The following NEK5 variants were observed in gnomAD, a reference collection of about 807,000 sequenced individuals.
NEK5 encodes the protein NIMA related kinase 5.
In NEK5, 88 loss-of-function variants were observed where a neutral mutation model predicts 109.2. That is an observed-to-expected ratio of 0.81 (90% confidence interval 0.68 to 0.96). NEK5 has a LOEUF of 0.96. NEK5 is among the 40% of genes least tolerant of loss of function. The pLI, the probability that NEK5 is intolerant of heterozygous loss-of-function variation, is 0.00. For synonymous variants in NEK5, 283 were observed against 299.9 expected, an observed-to-expected ratio of 0.94 and a Z score of 0.58; for missense variants, 834 against 920.7, an observed-to-expected ratio of 0.91 and a Z score of 1.22.
chr13:52,080,917 G>A (rs548336774), intron 17 of NEK5, among the ~76,000 whole-genome samples: 12 of 148,144 alleles, frequency 8.1e-5, no homozygotes, highest in Admixed American at 6.8e-4. Context: ...TGGTTAGGGT[G>A]GTAAAGGCGA....
intron 17 of NEK5, among the ~76,000 whole-genome samples, chr13:52,077,501 C>G (rs1210408278): frequency 2.0e-5 from 3 of 152,058 alleles, no homozygotes; most frequent in African/African-American, 4.8e-5. Flanking sequence ...GGGATGGAAA[C>G]CGAAGATGAG....
intron 16 of NEK5, among the ~76,000 whole-genome samples, chr13:52,083,640 C>T (rs1955059972): frequency 6.6e-6 from 1 of 151,898 alleles, no homozygotes; most frequent in South Asian, 2.1e-4. Flanking sequence ...GAGTTCATGC[C>T]ATTCTCCTGC....
Position 52,110,496 on chromosome 13 carries a change from G to T in NEK5, c.394C>A (p.Gln132Lys), listed in dbSNP as rs372582723. ...RKILHRDIKA[Q>K]NIFLSKNGMV... Reference sequence around the variant, plus strand: ...TAGTCTTCTCTCTGAGCTGTTACCTGAGCTTTTATGTCCCTGTGTAATATC... The same window carrying T: ...TAGTCTTCTCTCTGAGCTGTTACCTTAGCTTTTATGTCCCTGTGTAATATC... The change falls in exon 6 of 24, where the codon CAG becomes AAG. Residue 132 changes from glutamine to lysine, a missense_variant and splice_region_variant. By Grantham distance (53) the Gln-to-Lys change is moderately conservative. Coordinates refer to ENST00000684899, the MANE Select transcript of NEK5 (RefSeq NM_001365552.1). The T allele has an allele frequency of 4.3e-6, 7 of 1,610,610 alleles. No individual in the cohort carries two copies. In the African/African-American group the frequency reaches 8.0e-5, roughly 18 times the overall value.
chr13:52,043,895 T>C (rs1954435428), intron 23 of NEK5, among the ~76,000 whole-genome samples: 1 of 152,192 alleles, frequency 6.6e-6, no homozygotes, highest in East Asian at 1.9e-4. Flanking sequence ...ATTTACCAAC[T>C]GTGATGGTTT....
chr13:52,121,511 G>A (rs1354733525), intron 3 of NEK5, among the ~76,000 whole-genome samples: 6 of 152,190 alleles, frequency 3.9e-5, no homozygotes, highest in Admixed American at 3.3e-4. Context: ...AAAGGGTACA[G>A]AAGAGTTCTC....
chr13:52,120,676 C>T (rs1274336618), intron 3 of NEK5, among the ~76,000 whole-genome samples: 3 of 151,952 alleles, frequency 2.0e-5, no homozygotes, highest in Non-Finnish European at 2.9e-5. Context: ...TTTGGGAAGC[C>T]AAGGCAGGCA....
rs2138160487 is a variant in NEK5 at position 52,127,355 on chromosome 13, C to CTTT, written c.117+10_117+11insAAA. On this transcript the variant is annotated intron_variant, in intron 3 of 23. Coordinates refer to ENST00000684899, the MANE Select transcript of NEK5 (RefSeq NM_001365552.1). ...CACTGAAAATTAACAGAAATTTGAA[C>CTTT]TTAACTTTACCTTTTCAAAATTGAT... The CTTT allele has an allele frequency of 1.6e-6, 2 of 1,287,584 alleles. No homozygotes were observed. The highest frequency in any genetic ancestry group is 2.1e-6 in the Non-Finnish European group (2 of 945,288). The allele number at this position is 1,287,584 out of a possible 1,614,324, so 79.8% of individuals were successfully genotyped here.
At chr13:52,084,768 T>TGA (rs1955102763) in intron 16 of NEK5, among the ~76,000 whole-genome samples, 1 of 49,956 alleles carries the variant, frequency 2.0e-5, no homozygotes, top group African/African-American at 5.6e-5. Context: ...AGAGAGTGTG[T>TGA]GTGTGTGTGT....
At chr13:52,124,390 G>T (rs1459659718) in intron 3 of NEK5, among the ~76,000 whole-genome samples, 1 of 152,092 alleles carries the variant, frequency 6.6e-6, no homozygotes, top group African/African-American at 2.4e-5. Context: ...TATATATGGA[G>T]AATATATATA....
At chr13:52,076,365 TCACTCCAGTC>T (rs1275656352) in intron 17 of NEK5, among the ~76,000 whole-genome samples, 2 of 152,186 alleles carry the variant, frequency 1.3e-5, no homozygotes, top group Non-Finnish European at 2.9e-5. Context: ...ACAATACTTA[TCACTCCAGTC>T]CACTCCAGTC....
chr13:52,117,286 A>G (rs970536388), intron 4 of NEK5, among the ~76,000 whole-genome samples: 2 of 152,118 alleles, frequency 1.3e-5, no homozygotes, highest in African/African-American at 2.4e-5. Context: ...AAGCGATTTG[A>G]GGGAAAACAA....
At chr13:52,041,510 C>T (rs1954413018) in intron 23 of NEK5, among the ~76,000 whole-genome samples, 1 of 151,666 alleles carries the variant, frequency 6.6e-6, no homozygotes, top group South Asian at 2.1e-4. Flanking sequence ...GGTGAATTGC[C>T]TGAGGTCAGG....
chr13:52,072,904 G>A (rs948072487), intron 19 of NEK5, among the ~76,000 whole-genome samples: 3 of 152,066 alleles, frequency 2.0e-5, no homozygotes, highest in Admixed American at 6.6e-5. Flanking sequence ...ATTTGTTATA[G>A]GTCTGATAAA....
At position 52,035,491 on chromosome 13, in the gene NEK5, C is replaced by G. The variant is rs919799472; in HGVS notation, c.*1457G>C. ...GTAACCACCCTCTCCTTCCTAAGCC[C>G]AGACATACTCCTTAGTATTTAAATA... On this transcript the variant is annotated 3_prime_UTR_variant, in exon 24 of 24. Transcript: ENST00000684899. 6.6e-6 allele frequency: 1 copy of G among 152,168 alleles called. No homozygotes were observed. Among genetic ancestry groups the G allele is most frequent in the South Asian group, 2.1e-4 (1 of 4,832 alleles). 9.4% of individuals were successfully genotyped at this position (152,168 alleles called of 1,614,324 possible).
chr13:52,119,197 A>T (rs112528588), intron 4 of NEK5, 122 bp downstream of exon 4: 8 of 447,322 alleles, frequency 1.8e-5, no homozygotes, highest in African/African-American at 1.6e-4. Context: ...AATTTAAGTA[A>T]ATGGGGAAAT....
chr13:52,128,557 A>T (rs1287146331), intron 1 of NEK5, among the ~76,000 whole-genome samples: 10 of 151,956 alleles, frequency 6.6e-5, no homozygotes, highest in Non-Finnish European at 1.3e-4. Context: ...TTTTCGAATA[A>T]TTTTACGTCA....
In NEK5 at chr13:52,034,504, C is replaced by CTTTTTTTTTTTTTT. The variant is rs1172266927; in HGVS notation, c.*2430_*2443dup. Reference sequence around the variant, plus strand: ...GGAACAAACCCGATAACCTGACATGCTTTTTTTTTTTTTTTTTTTTTTTGA... The same window carrying CTTTTTTTTTTTTTT: ...GGAACAAACCCGATAACCTGACATGCTTTTTTTTTTTTTTTTTTTTTTTTTTTTTTTTTTTTTGA... On this transcript the variant is annotated 3_prime_UTR_variant, in exon 24 of 24. Transcript: ENST00000684899. 9.2e-6 allele frequency: 1 copy of CTTTTTTTTTTTTTT among 108,946 alleles called. No homozygotes were observed. The highest frequency in any genetic ancestry group is 1.9e-5 in the Non-Finnish European group (1 of 53,680). The allele number at this position is 108,946 out of a possible 1,614,324, so 6.7% of individuals were successfully genotyped here.
At chr13:52,088,839 C>G (rs532139712) in intron 14 of NEK5, among the ~76,000 whole-genome samples, 1 of 151,732 alleles carries the variant, frequency 6.6e-6, no homozygotes, top group East Asian at 2.0e-4. Context: ...GTCTGTAACC[C>G]CAGCACTTTG....
In NEK5 at chr13:52,102,160, G is replaced by A; in HGVS notation, c.742C>T (p.Pro248Ser). 3 of 1,613,896 alleles carry A rather than the reference G, an allele frequency of 1.9e-6. No homozygotes were observed. The highest frequency in any genetic ancestry group is 1.3e-5 in the African/African-American group (1 of 75,020). The part of the protein sequence containing the change: ...QLFQVSPRDR[P>S]SINSILKRPF... ...CTTTTCAAAATGGAATTTATGGATG[G>A]TCGGTCTCGAGGAGATACTTGAAAG... The change falls in exon 10 of 24, where the codon CCA becomes TCA. Residue 248 changes from proline to serine, a missense_variant. Pro to Ser is a moderately conservative substitution (Grantham distance 74). Transcript: ENST00000684899.
Sources: gnomAD v4.1 joint callset for allele counts (sites outside exome capture counted in the v4.1 genomes callset) on GRCh38, gnomAD v4.1.1 for gene constraint, MANE v1.5 for transcripts, NCBI Gene and HGNC (gene_info 2026-07-23, HGNC 2026-07-21) for gene names.